Variants in MRC2 observed in about 807,000 individuals in gnomAD.
MRC2 encodes mannose receptor C-type 2.
In MRC2, 84 loss-of-function variants were observed where a neutral mutation model predicts 206.2. That is an observed-to-expected ratio of 0.41 (90% CI 0.34 to 0.49). The LOEUF (loss-of-function observed/expected upper bound fraction) is 0.49, where lower values mean the gene tolerates loss of function less well. Among genes scored for constraint, MRC2 ranks in the 20% least tolerant of loss-of-function variants. The probability of loss-of-function intolerance (pLI) is 0.31; values close to 1 mark genes in which losing one functional copy is unlikely to be tolerated. For missense variants in MRC2, 1,676 were observed against 2,001.5 expected, an observed-to-expected ratio of 0.84 and a Z score of 3.10; for synonymous variants, 798 against 800.0, an observed-to-expected ratio of 1.00 and a Z score of 0.04.
In MRC2 at chr17:62,677,434, G is replaced by T. The variant is rs1336630599; in HGVS notation, c.2000G>T (p.Gly667Val). ...CCAGATCCCACGCCCAGCCTCACTG[G>T]CTCCTGTCCCCAGGGCTGGGCCTCG... ...PGPDPTPSLT[G>V]SCPQGWASDT... The change falls in exon 12 of 30, where the codon GGC becomes GTC. Residue 667 changes from glycine to valine, a missense_variant. Transcript: ENST00000303375. 1 of 1,611,616 alleles carries T rather than the reference G, an allele frequency of 6.2e-7. No homozygotes were observed. The highest frequency in any genetic ancestry group is 8.5e-7 in the Non-Finnish European group (1 of 1,179,292).
chr17:62,661,526 TTCTC>T (rs967338190), intron 1 of MRC2: 1 of 149,562 alleles, frequency 6.7e-6, no homozygotes, highest in East Asian at 1.9e-4. Flanking sequence ...CTTTCTTTCT[TTCTC>T]TTTCTTTTTC....
Position 62,679,930 on chromosome 17 carries a change from G to GCGAGGC in MRC2, c.2298+31_2298+36dup, listed in dbSNP as rs542861989. 1.8e-4 allele frequency: 288 copies of GCGAGGC among 1,589,926 alleles called. 1 individual carries two copies. The African/African-American group carries it at 3.5e-3, about 19-fold the overall frequency. On this transcript the variant is annotated intron_variant, in intron 14 of 29. Coordinates refer to ENST00000303375, the MANE Select transcript of MRC2 (RefSeq NM_006039.5). Reference sequence around the variant, plus strand: ...GAGGGGGCCTGGGGTACTTGGGACTGCGAGGCCGGGAGCTTGGTGGGCGGG... The same window carrying GCGAGGC: ...GAGGGGGCCTGGGGTACTTGGGACTGCGAGGCCGAGGCCGGGAGCTTGGTGGGCGGG...
chr17:62,679,932 G>A (rs1418375626), intron 14 of MRC2, 30 bp downstream of exon 14: 2 of 1,582,536 alleles, frequency 1.3e-6, no homozygotes, highest in Admixed American at 1.7e-5. Context: ...TTGGGACTGC[G>A]AGGCCGGGAG....
chr17:62,674,709 G>C (rs1036898843), intron 9 of MRC2, among the ~76,000 whole-genome samples: 19 of 151,836 alleles, frequency 1.3e-4, no homozygotes, highest in African/African-American at 3.4e-4. Context: ...TGAGGGGGGG[G>C]GTGTCAAGGA....
At position 62,692,459 on chromosome 17, in the gene MRC2, C is replaced by T. The variant is rs376397488; in HGVS notation, c.*8C>T. 1.5e-5 allele frequency: 23 copies of T among 1,552,134 alleles called. No homozygotes were observed. Among genetic ancestry groups the T allele is most frequent in the East Asian group, 2.4e-5 (1 of 41,424 alleles). ...AATGAGCAACAAGAATAGAGCCAGG[C>T]GCGTGGGCAGGGCCAGGGCGGGAGG... On this transcript the variant is annotated 3_prime_UTR_variant, in exon 30 of 30. Coordinates refer to ENST00000303375, the MANE Select transcript of MRC2 (RefSeq NM_006039.5). The surrounding 1 kb of genome is among the most constrained non-coding windows in gnomAD (Gnocchi z 4.2).
Position 62,655,410 on chromosome 17 carries a change from C to T in MRC2, c.119-9138C>T, listed in dbSNP as rs578088450. On this transcript the variant is annotated intron_variant, in intron 1 of 29. Transcript: ENST00000303375. ...CAAAAAAATTAGCCGGGCATGGTGGCGGGCGCCTGTAGTCCCAGCTACTCG... is the reference window on the plus strand; with the variant it reads ...CAAAAAAATTAGCCGGGCATGGTGGTGGGCGCCTGTAGTCCCAGCTACTCG... Among the ~76,000 whole-genome samples the T allele has an allele frequency of 1.2e-3, 176 of 151,750 alleles. 4 individuals are homozygous for T. Among genetic ancestry groups the T allele is most frequent in the Non-Finnish European group, 1.1e-3 (74 of 67,932 alleles).
Position 62,672,336 on chromosome 17 carries a change from T to TACCTCC in MRC2, c.1461+198_1461+203dup, listed in dbSNP as rs1299947188. ...TGAGAGACTGCCGGGGCTTGAATCC[T>TACCTCC]ACCTCCACCTCCACCTCCAAGTAGC... is the stretch of plus-strand genomic sequence containing the variant. On this transcript the variant is annotated intron_variant, in intron 8 of 29. Coordinates refer to ENST00000303375, the MANE Select transcript of MRC2 (RefSeq NM_006039.5). This position sits in a 1 kb window ranked among gnomAD's most constrained non-coding sequence, Gnocchi z 4.5. Among the ~76,000 whole-genome samples, 10 of 152,280 alleles carry TACCTCC rather than the reference T, an allele frequency of 6.6e-5. No homozygotes were observed. The highest frequency in any genetic ancestry group is 2.2e-4 in the African/African-American group (9 of 41,552).
At chr17:62,655,369 G>A (rs1420004763) in intron 1 of MRC2, among the ~76,000 whole-genome samples, 3 of 149,792 alleles carry the variant, frequency 2.0e-5, no homozygotes, top group African/African-American at 7.4e-5. Flanking sequence ...GTGAAACCCC[G>A]TTTCTACTAA....
rs2088563596 is a variant in MRC2 at position 62,652,203 on chromosome 17, A to G, written c.119-12345A>G. 6.6e-6 allele frequency among the ~76,000 whole-genome samples: 1 copy of G among 152,258 alleles called. No homozygotes were observed. On this transcript the variant is annotated intron_variant, in intron 1 of 29. Transcript: ENST00000303375. This position sits in a 1 kb window ranked among gnomAD's most constrained non-coding sequence, Gnocchi z 4.6. ...AATTCGTATGGATGTCTCCTAATAA[A>G]GTCACGCAGTCACTCACTGGTTCGT...
Position 62,652,455 on chromosome 17 carries a change from C to G in MRC2, c.119-12093C>G, listed in dbSNP as rs2088567088. Among the ~76,000 whole-genome samples the G allele has an allele frequency of 6.6e-6, 1 of 152,234 alleles. No individual in the cohort carries two copies. On this transcript the variant is annotated intron_variant, in intron 1 of 29. Transcript: ENST00000303375. The surrounding 1 kb of genome is among the most constrained non-coding windows in gnomAD (Gnocchi z 4.6). ...CGCCCCCGCGCTCCGGGTCCCATTC[C>G]CGAATTCTGCCCTCAGCGGCCTGGT...
intron 1 of MRC2, among the ~76,000 whole-genome samples, chr17:62,636,461 A>ATTTTTTTT (rs60774612): frequency 6.5e-5 from 5 of 76,946 alleles, no homozygotes; most frequent in Non-Finnish European, 9.6e-5. Flanking sequence ...TAATCTTCTG[A>ATTTTTTTT]TTTTTTTTTT....
chr17:62,682,244 G>T lies in MRC2; in HGVS notation c.2813G>T (p.Gly938Val). Reference protein sequence around the residue: ...VYMTASREDWGDQRCLTALPY... With the variant: ...VYMTASREDWVDQRCLTALPY... ...CCTCCCCTTTCCGCAGAGGACTGGG[G>T]GGACCAGAGGTGCCTGACAGCCTTG... Residue 938 changes from glycine (G) to valine (V), a missense_variant, in exon 20 of 30, where the codon GGG becomes GTG. By Grantham distance (109) the Gly-to-Val change is moderately radical (BLOSUM62 -3). This residue lies in a region of MRC2 where 1,354 missense variants were observed against 1,636.6 expected (regional missense o/e 0.83). Transcript: ENST00000303375. 6.3e-7 allele frequency: 1 copy of T among 1,595,320 alleles called. No individual in the cohort carries two copies. Among genetic ancestry groups the T allele is most frequent in the Non-Finnish European group, 8.5e-7 (1 of 1,170,326 alleles).
chr17:62,680,010 C>G lies in MRC2; in HGVS notation c.2298+108C>G, dbSNP rs374835420. The stretch of plus-strand genomic sequence containing the variant: ...CGGGTTTTCTTGAGGGCCGGGCCCC[C>G]AGTCGGAGCCGGCTTCAGGAAAGCA... On this transcript the variant is annotated intron_variant, in intron 14 of 29. Coordinates refer to ENST00000303375, the MANE Select transcript of MRC2 (RefSeq NM_006039.5). This position sits in a 1 kb window ranked among gnomAD's most constrained non-coding sequence, Gnocchi z 4.8. 1.0e-5 allele frequency: 15 copies of G among 1,461,636 alleles called. No homozygotes were observed. The African/African-American group carries it at 1.1e-4, about 11-fold the overall frequency. 90.5% of individuals were successfully genotyped at this position (1,461,636 alleles called of 1,614,324 possible). A position where few individuals can be genotyped will look rare whatever the true frequency, so the allele number is the denominator to read the frequency against.
In MRC2 at chr17:62,677,347, T is replaced by C; in HGVS notation, c.1913T>C (p.Phe638Ser). The change falls in exon 12 of 30, where the codon TTC becomes TCC. Residue 638 changes from phenylalanine (F) to serine (S), a missense_variant. By Grantham distance (155) the Phe-to-Ser change is radical. Transcript: ENST00000303375. The stretch of plus-strand genomic sequence containing the variant: ...TGGGAGGTGAAGAACTGTACCTCGT[T>C]CCGGGCCCGCTACATCTGCCGGCAG... ...GLWEVKNCTSFRARYICRQSL... is the reference protein window; with the variant it reads ...GLWEVKNCTSSRARYICRQSL... 6.2e-7 allele frequency: 1 copy of C among 1,609,000 alleles called. No homozygotes were observed. Among genetic ancestry groups the C allele is most frequent in the East Asian group, 2.2e-5 (1 of 44,712 alleles).
intron 14 of MRC2, 40 bp downstream of exon 14, chr17:62,679,942 G>A (rs2147481246): frequency 6.4e-7 from 1 of 1,565,618 alleles, no homozygotes; most frequent in Non-Finnish European, 8.7e-7. Flanking sequence ...GAGGCCGGGA[G>A]CTTGGTGGGC....
chr17:62,666,356 G>A lies in MRC2; in HGVS notation c.694+89G>A, dbSNP rs2088754671. On this transcript the variant is annotated intron_variant, in intron 3 of 29. Coordinates refer to ENST00000303375, the MANE Select transcript of MRC2 (RefSeq NM_006039.5). The surrounding 1 kb of genome is among the most constrained non-coding windows in gnomAD (Gnocchi z 5.0). ...GCCCCGGGGCCCAGGGTGAGATACT[G>A]CCCCCTCCCCTACCTAGTGTAGCCT... 1 of 1,583,578 alleles carries A rather than the reference G, an allele frequency of 6.3e-7. No homozygotes were observed. Among genetic ancestry groups the A allele is most frequent in the Non-Finnish European group, 8.6e-7 (1 of 1,167,260 alleles).
intron 1 of MRC2, among the ~76,000 whole-genome samples, chr17:62,638,324 A>G (rs1031738846): frequency 5.3e-5 from 8 of 152,240 alleles, no homozygotes; most frequent in African/African-American, 1.9e-4. Context: ...ATTAAAATAA[A>G]CAGAAAAAAG....
Position 62,672,394 on chromosome 17 carries a change from C to A in MRC2, c.1461+242C>A, listed in dbSNP as rs1326659819. On this transcript the variant is annotated intron_variant, in intron 8 of 29. Coordinates refer to ENST00000303375, the MANE Select transcript of MRC2 (RefSeq NM_006039.5). This position sits in a 1 kb window ranked among gnomAD's most constrained non-coding sequence, Gnocchi z 4.5. ...CCTTGGGCAAGTTACTAGAGGGTCA[C>A]TGGGGAGATCAGAGGAGTTAATTCT... Among the ~76,000 whole-genome samples, 1 of 152,176 alleles carries A rather than the reference C, an allele frequency of 6.6e-6. No homozygotes were observed. The highest frequency in any genetic ancestry group is 1.9e-4 in the East Asian group (1 of 5,190).
In MRC2 at chr17:62,663,701, G is replaced by A. The variant is rs560443290; in HGVS notation, c.119-847G>A. Among the ~76,000 whole-genome samples the A allele has an allele frequency of 1.8e-4, 28 of 152,230 alleles. No individual in the cohort carries two copies. In the South Asian group the frequency reaches 5.6e-3, roughly 30 times the overall value. ...TAAATTGCTGCGTAAAAATTAAGGCGTGAAATAGTTCAGGGGTGGGATGAG... is the reference window on the plus strand; with the variant it reads ...TAAATTGCTGCGTAAAAATTAAGGCATGAAATAGTTCAGGGGTGGGATGAG... On this transcript the variant is annotated intron_variant, in intron 1 of 29. Transcript: ENST00000303375.
Sources: gnomAD v4.1 joint callset for allele counts (sites outside exome capture counted in the v4.1 genomes callset) on GRCh38, gnomAD v4.1.1 for gene constraint, gnomAD v4.1.1 regional missense constraint, Gnocchi (gnomAD v3.1) non-coding constraint, MANE v1.5 for transcripts, NCBI Gene and HGNC (gene_info 2026-07-23, HGNC 2026-07-21) for gene names.